The following FSTL5 variants were observed in gnomAD, a reference collection of about 807,000 sequenced individuals.
FSTL5 encodes the protein follistatin like 5.
A neutral mutation model predicts 89.1 loss-of-function variants in FSTL5; 62 were observed. The observed-to-expected ratio is 0.70, with a 90% CI of 0.57 to 0.86. The LOEUF (loss-of-function observed/expected upper bound fraction) is 0.86, where lower values mean the gene tolerates loss of function less well. Among genes scored for constraint, FSTL5 ranks in the 40% least tolerant of loss-of-function variants. The pLI is 0.00. For synonymous variants in FSTL5, 383 were observed against 346.2 expected (o/e 1.11, Z -1.18); for missense variants, 1,057 against 1,001.6 (o/e 1.06, Z -0.75).
At chr4:161,444,138 G>A (rs750907782) in intron 15 of FSTL5, among the ~76,000 whole-genome samples, 3 of 151,872 alleles carry the variant, frequency 2.0e-5, no homozygotes, top group Non-Finnish European at 2.9e-5. Flanking sequence ...GTAGAGAACC[G>A]TATGGCAAAA....
At chr4:161,463,698 A>G (rs1440620985) in intron 13 of FSTL5, among the ~76,000 whole-genome samples, 1 of 152,226 alleles carries the variant, frequency 6.6e-6, no homozygotes, top group East Asian at 1.9e-4. Flanking sequence ...AATATTTTTG[A>G]CACTTACAAA....
In FSTL5 at chr4:161,920,651, T is replaced by A. The variant is rs1733969755; in HGVS notation, c.162A>T (p.Gly54=). The stretch of plus-strand genomic sequence containing the variant: ...CAAAAGGGCCATCCTGAATCATAAA[T>A]CCTGAAGAATTAAAAAAAAATTGAA... ...EKNQESSRVK[G]FMIQDGPFGS... is the part of the protein sequence containing the mutation. The change falls in exon 4 of 16, where the codon GGA becomes GGT. Residue 54 remains glycine (G), a splice_region_variant and synonymous_variant. Transcript: ENST00000306100. 6.5e-7 allele frequency: 1 copy of A among 1,529,324 alleles called. No homozygotes were observed. The highest frequency in any genetic ancestry group is 2.3e-5 in the East Asian group (1 of 42,750). The allele number at this position is 1,529,324 out of a possible 1,614,324, so 94.7% of individuals were successfully genotyped here. A position where few individuals can be genotyped will look rare whatever the true frequency, so the allele number is the denominator to read the frequency against.
chr4:161,746,908 A>T (rs1263060837), intron 6 of FSTL5, among the ~76,000 whole-genome samples: 2 of 151,934 alleles, frequency 1.3e-5, no homozygotes, highest in Non-Finnish European at 2.9e-5. Context: ...GGCTTTGCTG[A>T]TGGGCCCCCC....
chr4:161,408,718 T>G (rs1016053974), intron 15 of FSTL5, among the ~76,000 whole-genome samples: 1 of 152,118 alleles, frequency 6.6e-6, no homozygotes, highest in Non-Finnish European at 1.5e-5. Context: ...AAAATTTCTC[T>G]TCTAAGAAGT....
intron 4 of FSTL5, among the ~76,000 whole-genome samples, chr4:161,817,826 T>C (rs12505868): frequency 0.17 from 25,943 of 152,242 alleles, 2,438 homozygotes; most frequent in Non-Finnish European, 0.21. Flanking sequence ...TTAATTTGTA[T>C]TGTAAATCTT....
At chr4:161,809,089 GCTGC>G (rs1483481358) in intron 4 of FSTL5, among the ~76,000 whole-genome samples, 1 of 152,000 alleles carries the variant, frequency 6.6e-6, no homozygotes, top group African/African-American at 2.4e-5. Context: ...CTTGGTGGCG[GCTGC>G]CTGTAGTCCC....
intron 4 of FSTL5, among the ~76,000 whole-genome samples, chr4:161,895,558 A>G (rs1273591520): frequency 6.6e-6 from 1 of 152,184 alleles, no homozygotes; most frequent in Non-Finnish European, 1.5e-5. Context: ...TTTTGGAATC[A>G]TCTGCTATGA....
intron 7 of FSTL5, among the ~76,000 whole-genome samples, chr4:161,640,538 G>C (rs1245779155): frequency 6.6e-6 from 1 of 152,080 alleles, no homozygotes; most frequent in African/African-American, 2.4e-5. Context: ...TCACTAGTGG[G>C]ATTCAAATGC....
intron 7 of FSTL5, among the ~76,000 whole-genome samples, chr4:161,598,632 C>T (rs1734120547): frequency 6.6e-6 from 1 of 151,804 alleles, no homozygotes. Flanking sequence ...TTTCTCTGTC[C>T]CAAGAAATAG....
chr4:161,793,829 G>A (rs375034736), intron 4 of FSTL5, among the ~76,000 whole-genome samples: 109 of 151,960 alleles, frequency 7.2e-4, no homozygotes, highest in African/African-American at 2.4e-3. Context: ...AGCTGGTCTC[G>A]AATTCCTGAC....
At chr4:161,602,241 G>C (rs376126251) in intron 7 of FSTL5, among the ~76,000 whole-genome samples, 55 of 136,314 alleles carry the variant, frequency 4.0e-4, no homozygotes, top group Middle Eastern at 3.9e-3. Context: ...GAGAGTGAGA[G>C]AGAGGGAGAG....
chr4:161,680,899 T>C (rs1158237859), intron 6 of FSTL5, among the ~76,000 whole-genome samples: 1 of 152,058 alleles, frequency 6.6e-6, no homozygotes, highest in African/African-American at 2.4e-5. Flanking sequence ...CCATGTTTTC[T>C]ATTCTTTACT....
intron 8 of FSTL5, among the ~76,000 whole-genome samples, chr4:161,586,569 C>T (rs978842819): frequency 1.3e-5 from 2 of 152,156 alleles, no homozygotes; most frequent in Non-Finnish European, 2.9e-5. Context: ...ATATTTTAAG[C>T]TACCACTATC....
chr4:161,790,265 T>C (rs1485734054), intron 4 of FSTL5, among the ~76,000 whole-genome samples: 1 of 152,230 alleles, frequency 6.6e-6, no homozygotes, highest in South Asian at 2.1e-4. Context: ...GTTAAGACTT[T>C]ACAGCATCTT....
intron 3 of FSTL5, among the ~76,000 whole-genome samples, chr4:161,944,367 T>A (rs981238281): frequency 1.3e-5 from 2 of 152,060 alleles, no homozygotes; most frequent in Admixed American, 1.3e-4. Context: ...TAATTAAAAA[T>A]TAGAAAAAAA....
intron 4 of FSTL5, among the ~76,000 whole-genome samples, chr4:161,795,682 C>T (rs528466659): frequency 1.1e-4 from 17 of 152,010 alleles, no homozygotes; most frequent in Middle Eastern, 3.4e-3. Context: ...TGAGGAAATT[C>T]GGTTTACCCA....
chr4:161,765,436 A>G (rs986699792), intron 5 of FSTL5, among the ~76,000 whole-genome samples: 1 of 152,200 alleles, frequency 6.6e-6, no homozygotes, highest in African/African-American at 2.4e-5. Flanking sequence ...ACTAAATCAG[A>G]ACCTTTTTAC....
At chr4:161,986,121 C>T (rs1735956712) in intron 3 of FSTL5, among the ~76,000 whole-genome samples, 1 of 152,102 alleles carries the variant, frequency 6.6e-6, no homozygotes, top group South Asian at 2.1e-4. Flanking sequence ...ATCACAGTGT[C>T]ATATCTGCAC....
chr4:161,480,710 C>T (rs1162895636), intron 13 of FSTL5, among the ~76,000 whole-genome samples: 1 of 152,150 alleles, frequency 6.6e-6, no homozygotes, highest in Non-Finnish European at 1.5e-5. Flanking sequence ...TCTGCCTGCT[C>T]CGACTGTGCC....
Sources: gnomAD v4.1 joint callset for allele counts (sites outside exome capture counted in the v4.1 genomes callset) on GRCh38, gnomAD v4.1.1 for gene constraint, MANE v1.5 for transcripts, NCBI Gene and HGNC (gene_info 2026-07-23, HGNC 2026-07-21) for gene names.